The following TRIM34 variants were observed in gnomAD, a reference collection of about 807,000 sequenced individuals.
The protein encoded by TRIM34 is E3 ubiquitin-protein ligase TRIM34.
TRIM34 carries 41 observed loss-of-function variants against 38.1 expected under a neutral mutation model. The ratio of observed to expected loss-of-function variants is 1.08; its 90% CI spans 0.84 to 1.40. TRIM34 has a LOEUF of 1.40. Ranked by LOEUF, TRIM34 falls within the 40% of genes most tolerant of loss-of-function variation. The probability of loss-of-function intolerance (pLI) is 0.00; values close to 1 mark genes in which losing one functional copy is unlikely to be tolerated. For synonymous variants in TRIM34, 200 were observed against 202.5 expected, an observed-to-expected ratio of 0.99 and a Z score of 0.10; for missense variants, 556 against 571.4, an observed-to-expected ratio of 0.97 and a Z score of 0.27.
rs756015234 is a variant in TRIM34, at chr11:5,632,403, A to C, written c.72A>C (p.Glu24Asp). ...CCATCTGCCTGGAGCTGTTGACAGA[A>C]CCCTTGAGTCTAGACTGTGGCCACA... ...TCPICLELLT[E>D]PLSLDCGHSL... Residue 24 changes from glutamate (E) to aspartate (D), a missense_variant, in exon 2 of 8, where the codon GAA becomes GAC. Coordinates refer to ENST00000429814, the MANE Select transcript of TRIM34 (RefSeq NM_021616.6). 4 of 1,613,828 alleles carry C rather than the reference A, an allele frequency of 2.5e-6. No individual in the cohort carries two copies. In the African/African-American group the frequency reaches 5.3e-5, roughly 22 times the overall value.
rs147396327 is a variant in TRIM34 at position 5,626,426 on chromosome 11, A to G, written c.-78+1366A>G. Among the ~76,000 whole-genome samples, 22 of 152,362 alleles carry G rather than the reference A, an allele frequency of 1.4e-4. No individual in the cohort carries two copies. In the East Asian group the frequency reaches 2.1e-3, roughly 15 times the overall value. ...CCTCATGAAGGCCTTGCAACTTTAA[A>G]TAGTTTTTATGAAAGTTTTAAATAG... On this transcript the variant is annotated intron_variant, in intron 1 of 7. Coordinates refer to ENST00000429814, the MANE Select transcript of TRIM34 (RefSeq NM_021616.6).
chr11:5,643,005 C>T (rs563164892), intron 7 of TRIM34, 139 bp from the exon 8 acceptor site: 1 of 1,319,398 alleles, frequency 7.6e-7, no homozygotes, highest in Admixed American at 2.8e-5. Context: ...TTCATCAGTG[C>T]AAGTTTTTCA....
At chr11:5,636,462 G>T (rs1849738948) in intron 4 of TRIM34, among the ~76,000 whole-genome samples, 1 of 152,154 alleles carries the variant, frequency 6.6e-6, no homozygotes, top group Non-Finnish European at 1.5e-5. Flanking sequence ...ACTACATCGT[G>T]AATATTTTAA....
chr11:5,627,991 A>G (rs1339800675), intron 1 of TRIM34, among the ~76,000 whole-genome samples: 1 of 152,240 alleles, frequency 6.6e-6, no homozygotes, highest in Non-Finnish European at 1.5e-5. Context: ...CCTGGCAGCT[A>G]TGGTAACCAG....
chr11:5,640,039 T>C (rs1156349936), intron 4 of TRIM34, among the ~76,000 whole-genome samples: 1 of 152,224 alleles, frequency 6.6e-6, no homozygotes, highest in Non-Finnish European at 1.5e-5. Flanking sequence ...TTGTTGACTA[T>C]AGTCACACTG....
chr11:5,634,811 A>G lies in TRIM34; in HGVS notation c.700A>G (p.Ile234Val), dbSNP rs769915606. 6.2e-7 allele frequency: 1 copy of G among 1,613,748 alleles called. No homozygotes were observed. The highest frequency in any genetic ancestry group is 8.5e-7 in the Non-Finnish European group (1 of 1,179,750). ...GCAGAAGCAGTTGGTGAGAGAGCTCATCTCAGATGTGGAGTGTCGGAGTCA... is the reference window on the plus strand; with the variant it reads ...GCAGAAGCAGTTGGTGAGAGAGCTCGTCTCAGATGTGGAGTGTCGGAGTCA... ...VQQKQLVRELISDVECRSQWS... is the reference protein window; with the variant it reads ...VQQKQLVRELVSDVECRSQWS... Residue 234 changes from isoleucine (I) to valine (V), a missense_variant, in exon 4 of 8, where the codon ATC (isoleucine) becomes GTC (valine). Physicochemically the swap from Ile to Val is conservative, Grantham distance 29 (BLOSUM62 3). Transcript: ENST00000429814.
chr11:5,638,247 A>C (rs1470137536), intron 4 of TRIM34, among the ~76,000 whole-genome samples: 5 of 152,256 alleles, frequency 3.3e-5, no homozygotes, highest in Admixed American at 2.0e-4. Context: ...AAGAGATTCA[A>C]GTTGCTATCA....
At chr11:5,642,969 A>G in intron 7 of TRIM34, 126 bp downstream of exon 7, 1 of 1,427,534 alleles carries the variant, frequency 7.0e-7, no homozygotes, top group East Asian at 2.5e-5. Context: ...TGCTAAATAC[A>G]TTTCTCCAGT....
chr11:5,641,174 G>A lies in TRIM34; in HGVS notation c.758G>A (p.Ser253Asn), dbSNP rs772854531. The change falls in exon 5 of 8, where the codon AGT becomes AAT. Residue 253 changes from serine to asparagine, a missense_variant. Coordinates refer to ENST00000429814, the MANE Select transcript of TRIM34 (RefSeq NM_021616.6). ...WSTMELLQDM[S>N]GIMKWSEIWR... ...TTTCTCTTTTCTTTCTAGGACATGA[G>A]TGGAATCATGAAATGGTGCGTATGG... The A allele has an allele frequency of 1.2e-6, 2 of 1,613,554 alleles. No homozygotes were observed. The highest frequency in any genetic ancestry group is 1.1e-5 in the South Asian group (1 of 91,010).
Position 5,632,655 on chromosome 11 carries a change from T to A in TRIM34, c.324T>A (p.Cys108Ter). The A allele has an allele frequency of 6.2e-7, 1 of 1,612,584 alleles. No homozygotes were observed. Among genetic ancestry groups the A allele is most frequent in the South Asian group, 1.1e-5 (1 of 90,834 alleles). Reference sequence around the variant, plus strand: ...ATGGAGAGAAACTCCTACTCTTCTGTAAGGAGGATAGGAAAGTCATTTGCT... The same window carrying A: ...ATGGAGAGAAACTCCTACTCTTCTGAAAGGAGGATAGGAAAGTCATTTGCT... ...DHHGEKLLLF[C>*]KEDRKVICWL... Residue 108 changes from cysteine (C) to a stop codon, truncating the protein, a stop_gained, in exon 2 of 8, where the codon TGT becomes TGA. Coordinates refer to ENST00000429814, the MANE Select transcript of TRIM34 (RefSeq NM_021616.6). LOFTEE classifies it high-confidence loss of function.
At chr11:5,629,238 T>A (rs890144938) in intron 1 of TRIM34, among the ~76,000 whole-genome samples, 1 of 151,988 alleles carries the variant, frequency 6.6e-6, no homozygotes, top group Non-Finnish European at 1.5e-5. Flanking sequence ...GATTGTACCA[T>A]TGCATTCCAG....
In TRIM34 at chr11:5,643,148, T is replaced by C. The variant is rs371170379; in HGVS notation, c.906T>C (p.Asp302=). The C allele has an allele frequency of 6.7e-7, 1 of 1,501,684 alleles. No individual in the cohort carries two copies. The highest frequency in any genetic ancestry group is 8.8e-7 in the Non-Finnish European group (1 of 1,130,022). 93.0% of individuals were successfully genotyped at this position (1,501,684 alleles called of 1,614,324 possible). A position where few individuals can be genotyped will look rare whatever the true frequency, so the allele number is the denominator to read the frequency against. Residue 302 remains aspartate, a synonymous_variant, in exon 8 of 8, where the codon GAT becomes GAC. Coordinates refer to ENST00000429814, the MANE Select transcript of TRIM34 (RefSeq NM_021616.6). ...ELTAVRCYWV[D]VTLNSVNLNL... ...ATATTTTTTTTTTTCTTGCAGTGGA[T>C]GTCACACTGAATTCAGTCAACCTAA...
At chr11:5,632,982 G>A (rs960093546) in intron 2 of TRIM34, among the ~76,000 whole-genome samples, 4 of 135,116 alleles carry the variant, frequency 3.0e-5, no homozygotes, top group African/African-American at 1.1e-4. Context: ...GCCTGCCACC[G>A]CGCCTGGCTA....
At chr11:5,626,809 G>C (rs144950589) in intron 1 of TRIM34, 5,099 of 151,588 alleles carry the variant, frequency 0.034, 132 homozygotes, top group Non-Finnish European at 0.049. Context: ...TTGAACCCAG[G>C]AGGTGGAGGT....
upstream of TRIM34, among the ~76,000 whole-genome samples, chr11:5,620,177 T>C (rs1288718880): frequency 1.1e-4 from 14 of 124,250 alleles, no homozygotes; most frequent in Non-Finnish European, 2.2e-4. Flanking sequence ...CTTTTTTTTT[T>C]TTTTTTTTTT....
At chr11:5,631,995 T>A (rs1849502049) in intron 1 of TRIM34, among the ~76,000 whole-genome samples, 1 of 152,172 alleles carries the variant, frequency 6.6e-6, no homozygotes, top group South Asian at 2.1e-4. Context: ...TGAAGGGACA[T>A]GTAAGGAGAA....
intron 2 of TRIM34, among the ~76,000 whole-genome samples, chr11:5,633,527 T>C (rs1007912079): frequency 3.9e-5 from 6 of 152,188 alleles, no homozygotes; most frequent in Non-Finnish European, 5.9e-5. Context: ...GGAAAGAGCA[T>C]TGATAAGAGG....
chr11:5,624,084 G>A (rs912018193), upstream of TRIM34, among the ~76,000 whole-genome samples: 2 of 152,150 alleles, frequency 1.3e-5, no homozygotes, highest in Non-Finnish European at 2.9e-5. Flanking sequence ...TCTTGTTCAA[G>A]TTTCCTCCTC....
rs942967199 is a variant in TRIM34, at chr11:5,628,495, C to T, written c.-78+3435C>T. ...TCTGTACCATTGGCTGGATGACACT[C>T]GCCAGTCAACTTTCAGCTTTTTTTC... On this transcript the variant is annotated intron_variant, in intron 1 of 7. Transcript: ENST00000429814. Among the ~76,000 whole-genome samples, 6 of 152,304 alleles carry T rather than the reference C, an allele frequency of 3.9e-5. No homozygotes were observed. The East Asian group carries it at 1.2e-3, about 29-fold the overall frequency.
Sources: gnomAD v4.1 joint callset for allele counts (sites outside exome capture counted in the v4.1 genomes callset) on GRCh38, gnomAD v4.1.1 for gene constraint, MANE v1.5 for transcripts, NCBI Gene and HGNC (gene_info 2026-07-23, HGNC 2026-07-21) for gene names.